Variants in FBLN2 observed in about 807,000 individuals in gnomAD.
FBLN2 encodes the protein fibulin 2.
Under a neutral mutation model 123.7 loss-of-function variants are expected in FBLN2, and 81 were observed. That is an observed-to-expected ratio of 0.65 (90% CI 0.55 to 0.79). The LOEUF (loss-of-function observed/expected upper bound fraction) is 0.79. Among genes scored for constraint, FBLN2 ranks in the 30% least tolerant of loss-of-function variants. The probability of loss-of-function intolerance (pLI) is 0.00; values close to 1 mark genes in which losing one functional copy is unlikely to be tolerated. For missense variants in FBLN2, 1,603 were observed against 1,681.3 expected, an observed-to-expected ratio of 0.95 and a Z score of 0.81; for synonymous variants, 699 against 701.4, an observed-to-expected ratio of 1.00 and a Z score of 0.05.
intron 2 of FBLN2, among the ~76,000 whole-genome samples, chr3:13,605,638 C>T (rs998877983): frequency 6.6e-6 from 1 of 152,270 alleles, no homozygotes; most frequent in Admixed American, 6.5e-5. Context: ...AACCCCTTTC[C>T]ACAAATAACA....
At position 13,619,797 on chromosome 3, in the gene FBLN2, C is replaced by A; in HGVS notation, c.2121C>A (p.Gly707=). 1.2e-6 allele frequency: 2 copies of A among 1,612,804 alleles called. No individual in the cohort carries two copies. Among genetic ancestry groups the A allele is most frequent in the Non-Finnish European group, 1.7e-6 (2 of 1,179,348 alleles). ...GGSAICSCFP[G]YAIMADGVSC... is the part of the protein sequence containing the mutation. ...CAGCCATATGCTCCTGTTTTCCCGG[C>A]TATGCCATCATGGCGGATGGCGTGT... The change falls in exon 8 of 18, where the codon GGC becomes GGA. Residue 707 remains glycine, a synonymous_variant. Transcript: ENST00000404922.
At chr3:13,610,371 G>A (rs1364265335) in intron 4 of FBLN2, among the ~76,000 whole-genome samples, 7 of 152,146 alleles carry the variant, frequency 4.6e-5, no homozygotes, top group Non-Finnish European at 8.8e-5. Context: ...TGTGGGGACC[G>A]GTTATTGAGG....
chr3:13,578,781 GT>G (rs1704228005), intron 2 of FBLN2, among the ~76,000 whole-genome samples: 1 of 152,226 alleles, frequency 6.6e-6, no homozygotes, highest in South Asian at 2.1e-4. Flanking sequence ...GAGGCCGGGT[GT>G]GGTGGCTCAC....
chr3:13,636,691 T>C, intron 17 of FBLN2, 123 bp downstream of exon 17: 1 of 1,210,850 alleles, frequency 8.3e-7, no homozygotes, highest in East Asian at 2.6e-5. Flanking sequence ...CCCTGACTGC[T>C]GGGTCTGTGG....
intron 1 of FBLN2, among the ~76,000 whole-genome samples, chr3:13,550,315 T>C (rs1308672557): frequency 2.0e-5 from 3 of 152,190 alleles, no homozygotes; most frequent in Non-Finnish European, 4.4e-5. Flanking sequence ...CTCACCTCCG[T>C]GCATCCTCTC....
At chr3:13,557,957 T>C (rs960096589) in intron 1 of FBLN2, among the ~76,000 whole-genome samples, 10 of 152,194 alleles carry the variant, frequency 6.6e-5, no homozygotes, top group Non-Finnish European at 1.5e-4. Flanking sequence ...GCTGACTGCC[T>C]TGGGGGCCTC....
At chr3:13,575,439 T>C (rs1397960634) in intron 2 of FBLN2, among the ~76,000 whole-genome samples, 1 of 152,148 alleles carries the variant, frequency 6.6e-6, no homozygotes, top group Non-Finnish European at 1.5e-5. Flanking sequence ...TGCAGCTGCC[T>C]GTCCCTGCCC....
chr3:13,623,659 C>G (rs1229465499), intron 9 of FBLN2, among the ~76,000 whole-genome samples: 1 of 152,214 alleles, frequency 6.6e-6, no homozygotes, highest in Non-Finnish European at 1.5e-5. Flanking sequence ...ATGCTAGGAT[C>G]AAGAGTGTGG....
At chr3:13,610,244 G>A (rs1705346401) in intron 4 of FBLN2, among the ~76,000 whole-genome samples, 1 of 152,184 alleles carries the variant, frequency 6.6e-6, no homozygotes, top group Non-Finnish European at 1.5e-5. Flanking sequence ...AGTGACAGGG[G>A]GCAGGTGGAG....
intron 1 of FBLN2, among the ~76,000 whole-genome samples, chr3:13,569,451 A>G (rs1175287770): frequency 2.0e-5 from 3 of 151,966 alleles, no homozygotes; most frequent in Non-Finnish European, 4.4e-5. Context: ...AGTGGAGATC[A>G]GAGCTGAGAC....
At chr3:13,605,944 A>G (rs9831525) in intron 2 of FBLN2, among the ~76,000 whole-genome samples, 62,924 of 151,914 alleles carry the variant, frequency 0.41, 13,110 homozygotes, top group Non-Finnish European at 0.43. Context: ...ATTTTTTGAG[A>G]CAGAGTCTCA....
At chr3:13,614,448 C>G (rs1481729123) in intron 5 of FBLN2, among the ~76,000 whole-genome samples, 1 of 152,164 alleles carries the variant, frequency 6.6e-6, no homozygotes, top group Non-Finnish European at 1.5e-5. Context: ...ATCTTCCTCC[C>G]TACCCACTTA....
intron 1 of FBLN2, among the ~76,000 whole-genome samples, chr3:13,565,527 G>T (rs1194848109): frequency 6.6e-6 from 1 of 152,240 alleles, no homozygotes; most frequent in Non-Finnish European, 1.5e-5. Context: ...TTGGGAGGCC[G>T]AGACAGGGTG....
intron 4 of FBLN2, among the ~76,000 whole-genome samples, chr3:13,613,469 C>G (rs1705470079): frequency 6.6e-6 from 1 of 152,196 alleles, no homozygotes; most frequent in Non-Finnish European, 1.5e-5. Flanking sequence ...GTTTAATTAT[C>G]TTTAACTTGT....
Position 13,630,685 on chromosome 3 carries a change from T to C in FBLN2, c.2969-14T>C, listed in dbSNP as rs779335395. 1 of 1,579,400 alleles carries C rather than the reference T, an allele frequency of 6.3e-7. No homozygotes were observed. Among genetic ancestry groups the C allele is most frequent in the South Asian group, 1.1e-5 (1 of 86,968 alleles). On this transcript the variant is annotated splice_polypyrimidine_tract_variant and intron_variant, in intron 14 of 17. Transcript: ENST00000404922. ...CTTGGGCCCTGCCATGACTGCCTGC[T>C]GGTGTCCCTGCAGACGTGAATGAGT...
intron 2 of FBLN2, among the ~76,000 whole-genome samples, chr3:13,598,853 C>T (rs1704932939): frequency 6.6e-6 from 1 of 152,198 alleles, no homozygotes; most frequent in African/African-American, 2.4e-5. Context: ...GAGGGAGCTG[C>T]TTTTCCTGGG....
chr3:13,631,199 T>C, intron 15 of FBLN2, 130 bp from the exon 16 acceptor site: 1 of 1,180,614 alleles, frequency 8.5e-7, no homozygotes, highest in Non-Finnish European at 1.2e-6. Flanking sequence ...TTCTACTCTC[T>C]CAGTCCACTT....
chr3:13,635,263 G>A (rs1394800399), intron 16 of FBLN2, among the ~76,000 whole-genome samples: 8 of 151,920 alleles, frequency 5.3e-5, no homozygotes, highest in South Asian at 4.2e-4. Flanking sequence ...CCTACCCCAC[G>A]GGACTTTCTG....
At chr3:13,609,411 T>G (rs1705314299) in intron 3 of FBLN2, 102 bp from the exon 4 acceptor site, 1 of 1,349,650 alleles carries the variant, frequency 7.4e-7, no homozygotes, top group Non-Finnish European at 9.9e-7. Flanking sequence ...GCTCCCTTGC[T>G]GTGGACCTTG....
Sources: gnomAD v4.1 joint callset for allele counts (sites outside exome capture counted in the v4.1 genomes callset) on GRCh38, gnomAD v4.1.1 for gene constraint, MANE v1.5 for transcripts, NCBI Gene and HGNC (gene_info 2026-07-23, HGNC 2026-07-21) for gene names.